The following TBC1D10A variants were observed in gnomAD, a reference collection of about 807,000 sequenced individuals.
The protein encoded by TBC1D10A is EBP50-PDX interactor of 64 kDa.
Under a neutral mutation model 52.9 loss-of-function variants are expected in TBC1D10A, and 24 were observed. That is an observed-to-expected ratio of 0.45 (90% CI 0.33 to 0.64). TBC1D10A has a LOEUF of 0.64. TBC1D10A is among the 30% of genes least tolerant of loss of function. The pLI, the probability that TBC1D10A is intolerant of heterozygous loss-of-function variation, is 0.02. For synonymous variants in TBC1D10A, 278 were observed against 282.9 expected, an observed-to-expected ratio of 0.98 and a Z score of 0.17; for missense variants, 602 against 687.9, an observed-to-expected ratio of 0.88 and a Z score of 1.40.
Position 30,295,782 on chromosome 22 carries a change from C to T in TBC1D10A, c.479G>A (p.Arg160Gln), listed in dbSNP as rs749783015. ...AAACATCTCATGGAATGGGAACTGC[C>T]GGTGCAGGTCACGCTCAATCACGTC... is the stretch of plus-strand genomic sequence containing the variant. ...WLDVIERDLH[R>Q]QFPFHEMFVS... The change falls in exon 4 of 9, where the codon CGG (arginine) becomes CAG (glutamine). Residue 160 changes from arginine to glutamine, a missense_variant. By Grantham distance (43) the Arg-to-Gln change is conservative. Around this residue, in one of 3 missense-constraint regions of TBC1D10A, gnomAD observed 136 missense variants for 208.4 expected, o/e 0.65. Coordinates refer to ENST00000215790, the MANE Select transcript of TBC1D10A (RefSeq NM_031937.3). The T allele has an allele frequency of 3.7e-6, 6 of 1,614,060 alleles. No individual in the cohort carries two copies. Among genetic ancestry groups the T allele is most frequent in the African/African-American group, 2.7e-5 (2 of 75,040 alleles).
At chr22:30,322,593 CTTTTTTTTTTTTTTTTTT>C (rs34874729) in intron 1 of TBC1D10A, among the ~76,000 whole-genome samples, 2 of 24,874 alleles carry the variant, frequency 8.0e-5, no homozygotes, top group African/African-American at 5.1e-4. Flanking sequence ...TCACTTTCAG[CTTTTTTTTTTTTTTTTTT>C]TTTTTTTTTT....
chr22:30,294,244 A>G (rs1352743798), intron 6 of TBC1D10A, 134 bp from the exon 7 acceptor site: 1 of 971,494 alleles, frequency 1.0e-6, no homozygotes, highest in East Asian at 2.6e-5. Flanking sequence ...TGCCTCTGCC[A>G]GGTGCTAGGA....
In TBC1D10A at chr22:30,293,754, C is replaced by G; in HGVS notation, c.947G>C (p.Gly316Ala). 2 of 1,613,022 alleles carry G rather than the reference C, an allele frequency of 1.2e-6. No homozygotes were observed. The highest frequency in any genetic ancestry group is 1.7e-6 in the Non-Finnish European group (2 of 1,179,500). Residue 316 changes from glycine to alanine, a missense_variant, in exon 8 of 9, where the codon GGC (glycine) becomes GCC (alanine). Gly to Ala is a moderately conservative substitution (Grantham distance 60, BLOSUM62 0). Coordinates refer to ENST00000215790, the MANE Select transcript of TBC1D10A (RefSeq NM_031937.3). Reference sequence around the variant, plus strand: ...GCAGGCTTTGACCTTCTCAGGGGAGCCCAGCGCGTGCTTCAGCAGCACCAG... The same window carrying G: ...GCAGGCTTTGACCTTCTCAGGGGAGGCCAGCGCGTGCTTCAGCAGCACCAG... ...VGLVLLKHAL[G>A]SPEKVKACQG... is the part of the protein sequence containing the mutation.
At chr22:30,307,206 A>G (rs1470416750) in intron 1 of TBC1D10A, among the ~76,000 whole-genome samples, 4 of 152,142 alleles carry the variant, frequency 2.6e-5, no homozygotes, top group African/African-American at 9.7e-5. Context: ...ATTGCTAGTG[A>G]GAGAGAAGCT....
At chr22:30,303,836 G>A (rs1930256472) in intron 2 of TBC1D10A, among the ~76,000 whole-genome samples, 2 of 152,230 alleles carry the variant, frequency 1.3e-5, no homozygotes, top group Admixed American at 1.3e-4. Context: ...AGAGTGGTGG[G>A]CAAGAATGTT....
At chr22:30,296,799 ACCT>A (rs1930089987) in intron 3 of TBC1D10A, 1 of 152,228 alleles carries the variant, frequency 6.6e-6, no homozygotes, top group Non-Finnish European at 1.5e-5. Flanking sequence ...GTAAATTCAT[ACCT>A]CAATTTTTAA....
intron 1 of TBC1D10A, among the ~76,000 whole-genome samples, chr22:30,310,889 C>A (rs772299406): frequency 2.6e-4 from 39 of 152,172 alleles, no homozygotes; most frequent in Non-Finnish European, 4.9e-4. Context: ...TTCTTATCAC[C>A]CTCTGTGCCG....
chr22:30,322,958 T>C (rs1247051962), intron 1 of TBC1D10A, among the ~76,000 whole-genome samples: 1 of 149,090 alleles, frequency 6.7e-6, no homozygotes, highest in African/African-American at 2.5e-5. Flanking sequence ...TGGAGCACAG[T>C]GGCACCATCT....
At chr22:30,313,550 A>ATTTTTTTT (rs35640957) in intron 1 of TBC1D10A, among the ~76,000 whole-genome samples, 5 of 42,210 alleles carry the variant, frequency 1.2e-4, no homozygotes, top group Non-Finnish European at 1.5e-4. Flanking sequence ...CGGCCAGCTA[A>ATTTTTTTT]TTTTTTTTTT....
intron 1 of TBC1D10A, among the ~76,000 whole-genome samples, chr22:30,317,423 C>T (rs1409687944): frequency 1.3e-5 from 2 of 152,042 alleles, no homozygotes; most frequent in Non-Finnish European, 2.9e-5. Context: ...AAAAACAAAA[C>T]AAAACAAAAC....
rs781418457 is a variant in TBC1D10A at position 30,294,788 on chromosome 22, ACACT to A, written c.705+4_705+7del. 2 of 1,614,066 alleles carry A rather than the reference ACACT, an allele frequency of 1.2e-6. No homozygotes were observed. The highest frequency in any genetic ancestry group is 1.1e-5 in the South Asian group (1 of 91,084). ...CCCAGGGCAAGTCCCAGGCCAGGCGACACTCACCAGTTTCTCGCTGTAGTAGCCG... is the reference window on the plus strand; with the variant it reads ...CCCAGGGCAAGTCCCAGGCCAGGCGACACCAGTTTCTCGCTGTAGTAGCCG... On this transcript the variant is annotated splice_donor_5th_base_variant and intron_variant, in intron 6 of 8. Transcript: ENST00000215790.
intron 8 of TBC1D10A, chr22:30,293,404 C>T (rs951065802): frequency 1.4e-6 from 1 of 717,294 alleles, no homozygotes; most frequent in Non-Finnish European, 2.6e-6. Context: ...AAGACGGGGC[C>T]GTGGGTCAAC....
rs775062980 is a variant in TBC1D10A, at chr22:30,293,921, C to G, written c.895G>C (p.Gly299Arg). 6.2e-7 allele frequency: 1 copy of G among 1,612,720 alleles called. No homozygotes were observed. The highest frequency in any genetic ancestry group is 8.5e-7 in the Non-Finnish European group (1 of 1,178,914). ...GCTCCCCCCAAGCCCAGCCCAGTACCTTCACAGAAGAACATGTCCCAGACA... is the reference window on the plus strand; with the variant it reads ...GCTCCCCCCAAGCCCAGCCCAGTACGTTCACAGAAGAACATGTCCCAGACA... ...LRVWDMFFCE[G>R]VKIIFRVGLV... The change falls in exon 7 of 9, where the codon GGG becomes CGG. Residue 299 changes from glycine (G) to arginine (R), a missense_variant and splice_region_variant. Gly to Arg is a moderately radical substitution (Grantham distance 125). Around this residue, in one of 3 missense-constraint regions of TBC1D10A, gnomAD observed 136 missense variants for 208.4 expected, o/e 0.65. Coordinates refer to ENST00000215790, the MANE Select transcript of TBC1D10A (RefSeq NM_031937.3).
At chr22:30,314,015 G>A (rs1371698478) in intron 1 of TBC1D10A, among the ~76,000 whole-genome samples, 1 of 152,148 alleles carries the variant, frequency 6.6e-6, no homozygotes, top group Non-Finnish European at 1.5e-5. Flanking sequence ...CAGACACTGT[G>A]TTCAGCACTT....
chr22:30,308,296 C>CTGCA (rs1930354170), intron 1 of TBC1D10A, among the ~76,000 whole-genome samples: 2 of 76,538 alleles, frequency 2.6e-5, no homozygotes, highest in African/African-American at 1.1e-4. Flanking sequence ...GCCTGCATGC[C>CTGCA]TGCATGCCTG....
In TBC1D10A at chr22:30,295,058, G is replaced by A. The variant is rs371325525; in HGVS notation, c.525-3C>T. 14 of 1,613,594 alleles carry A rather than the reference G, an allele frequency of 8.7e-6. No individual in the cohort carries two copies. Among genetic ancestry groups the A allele is most frequent in the Non-Finnish European group, 1.0e-5 (12 of 1,179,960 alleles). Reference sequence around the variant, plus strand: ...GCACACGGAATAGGTCCTGCTGGCTGTGGAGAGGCCGGGCAGAGCAGTGAT... The same window carrying A: ...GCACACGGAATAGGTCCTGCTGGCTATGGAGAGGCCGGGCAGAGCAGTGAT... On this transcript the variant is annotated splice_region_variant and splice_polypyrimidine_tract_variant and intron_variant, in intron 4 of 8. Coordinates refer to ENST00000215790, the MANE Select transcript of TBC1D10A (RefSeq NM_031937.3).
chr22:30,293,509 T>C, intron 8 of TBC1D10A, 142 bp downstream of exon 8: 1 of 1,235,412 alleles, frequency 8.1e-7, no homozygotes, highest in Non-Finnish European at 1.1e-6. Context: ...AAGGATGAGG[T>C]CCACCCACAT....
rs1431855013 is a variant in TBC1D10A at position 30,326,523 on chromosome 22, G to GGGTGGT, written c.209+144_209+149dup. 5 of 743,126 alleles carry GGGTGGT rather than the reference G, an allele frequency of 6.7e-6. No homozygotes were observed. In the African/African-American group the frequency reaches 7.6e-5, roughly 11 times the overall value. 46.0% of individuals were successfully genotyped at this position (743,126 alleles called of 1,614,324 possible). Reference sequence around the variant, plus strand: ...GAAGGGGGCGGGTCTAGGAAGGCAGGGGTGGTGGGGGTGGGGCAGGGGAGG... The same window carrying GGGTGGT: ...GAAGGGGGCGGGTCTAGGAAGGCAGGGGTGGTGGTGGTGGGGGTGGGGCAGGGGAGG... On this transcript the variant is annotated intron_variant, in intron 1 of 8. Transcript: ENST00000215790.
At chr22:30,302,978 T>C (rs964949713) in intron 2 of TBC1D10A, among the ~76,000 whole-genome samples, 4 of 152,204 alleles carry the variant, frequency 2.6e-5, no homozygotes, top group Non-Finnish European at 5.9e-5. Context: ...TGTCTTAACA[T>C]TGTTTTTTAA....
Sources: gnomAD v4.1 joint callset for allele counts (sites outside exome capture counted in the v4.1 genomes callset) on GRCh38, gnomAD v4.1.1 for gene constraint, gnomAD v4.1.1 regional missense constraint, MANE v1.5 for transcripts, NCBI Gene and HGNC (gene_info 2026-07-23, HGNC 2026-07-21) for gene names.